PIK3C2B: variants seen among roughly 807,000 people sequenced by gnomAD.
The protein encoded by PIK3C2B is phosphatidylinositol-4-phosphate 3-kinase catalytic subunit type 2 beta, also known as phosphatidylinositol 4-phosphate 3-kinase C2 domain-containing subunit beta.
PIK3C2B carries 83 observed loss-of-function variants against 184.3 expected under a neutral mutation model. The ratio of observed to expected loss-of-function variants is 0.45; its 90% CI spans 0.38 to 0.54. The LOEUF (loss-of-function observed/expected upper bound fraction) is 0.54, where lower values mean the gene tolerates loss of function less well. Ranked by LOEUF, PIK3C2B falls within the 20% of genes least tolerant of loss-of-function variation. The probability of loss-of-function intolerance (pLI) is 0.00; values close to 1 mark genes in which losing one functional copy is unlikely to be tolerated. For missense variants in PIK3C2B, 1,736 were observed against 2,113.5 expected, an observed-to-expected ratio of 0.82 and a Z score of 3.50; for synonymous variants, 779 against 837.6, an observed-to-expected ratio of 0.93 and a Z score of 1.21.
Position 204,465,326 on chromosome 1 carries a change from G to A in PIK3C2B, c.934-7C>T, listed in dbSNP as rs761016789. 2 of 1,587,930 alleles carry A rather than the reference G, an allele frequency of 1.3e-6. No individual in the cohort carries two copies. The highest frequency in any genetic ancestry group is 2.7e-5 in the African/African-American group (2 of 74,436). On this transcript the variant is annotated splice_polypyrimidine_tract_variant and splice_region_variant and intron_variant, in intron 2 of 32. Coordinates refer to ENST00000684373, the MANE Select transcript of PIK3C2B (RefSeq NM_001377334.1). ...TGTGGGGCCGGGAGCCCACCTTTAA[G>A]AGAAGAGCAGACGACTCAGTGCCTT... is the stretch of plus-strand genomic sequence containing the variant.
rs1396308440 is a variant in PIK3C2B, at chr1:204,423,920, A to G, written c.*932T>C. ...CTGAGTCAGTATTTTGTCCCACCAG[A>G]GACAAATGAAGGGAGAGACCTATGG... On this transcript the variant is annotated 3_prime_UTR_variant, in exon 33 of 33. Coordinates refer to ENST00000684373, the MANE Select transcript of PIK3C2B (RefSeq NM_001377334.1). 1 of 152,568 alleles carries G rather than the reference A, an allele frequency of 6.6e-6. No individual in the cohort carries two copies. The highest frequency in any genetic ancestry group is 1.5e-5 in the Non-Finnish European group (1 of 68,044). The allele number at this position is 152,568 out of a possible 1,614,324, so 9.5% of individuals were successfully genotyped here.
intron 22 of PIK3C2B, 30 bp from the exon 23 acceptor site, chr1:204,439,101 C>T (rs1227696795): frequency 1.2e-6 from 2 of 1,609,358 alleles, no homozygotes; most frequent in Admixed American, 1.7e-5. Flanking sequence ...GGTCACGTTC[C>T]AGACCAGAAT....
At chr1:204,464,750 G>A in intron 3 of PIK3C2B, 146 bp from the exon 4 acceptor site, 1 of 677,094 alleles carries the variant, frequency 1.5e-6, no homozygotes, top group South Asian at 2.0e-5. Flanking sequence ...CAGGATGGGG[G>A]CAGTGGGGTA....
At chr1:204,468,817 T>C (rs868457948) in intron 2 of PIK3C2B, 53 bp downstream of exon 2, 1 of 1,464,050 alleles carries the variant, frequency 6.8e-7, no homozygotes. Context: ...CTAGTCCCTG[T>C]TTCTGAAGGA....
At position 204,424,366 on chromosome 1, in the gene PIK3C2B, A is replaced by G. The variant is rs1429928497; in HGVS notation, c.*486T>C. ...AAAAAAAAACCTAGGGAAAAGTCCA[A>G]TAAGAACCTTAATCATACAAAAAGT... On this transcript the variant is annotated 3_prime_UTR_variant, in exon 33 of 33. Transcript: ENST00000684373. 3 of 204,384 alleles carry G rather than the reference A, an allele frequency of 1.5e-5. No individual in the cohort carries two copies. The highest frequency in any genetic ancestry group is 1.3e-4 in the East Asian group (1 of 7,650). 12.7% of individuals were successfully genotyped at this position (204,384 alleles called of 1,614,324 possible). A position where few individuals can be genotyped will look rare whatever the true frequency, so the allele number is the denominator to read the frequency against.
At position 204,432,360 on chromosome 1, in the gene PIK3C2B, T is replaced by C. The variant is rs1675108967; in HGVS notation, c.3995A>G (p.Asn1332Ser). ...CTGAGCCAGATTATGGATGAAAAAATTGAGCTTTGTGGCTACACTGCCCAG... is the reference window on the plus strand; with the variant it reads ...CTGAGCCAGATTATGGATGAAAAAACTGAGCTTTGTGGCTACACTGCCCAG... ...SSLGSVATKL[N>S]FFIHNLAQMK... Residue 1332 changes from asparagine (N) to serine (S), a missense_variant, in exon 27 of 33, where the codon AAT (asparagine) becomes AGT (serine). Coordinates refer to ENST00000684373, the MANE Select transcript of PIK3C2B (RefSeq NM_001377334.1). The C allele has an allele frequency of 6.2e-7, 1 of 1,613,956 alleles. No individual in the cohort carries two copies. Among genetic ancestry groups the C allele is most frequent in the Non-Finnish European group, 8.5e-7 (1 of 1,179,998 alleles).
chr1:204,463,207 G>A (rs1372861322), intron 5 of PIK3C2B, among the ~76,000 whole-genome samples: 2 of 152,232 alleles, frequency 1.3e-5, no homozygotes. Flanking sequence ...CTCCTAAGAA[G>A]TGAGACACAG....
intron 12 of PIK3C2B, 57 bp from the exon 13 acceptor site, chr1:204,450,074 G>C: frequency 1.4e-6 from 2 of 1,439,652 alleles, no homozygotes; most frequent in Non-Finnish European, 1.9e-6. Flanking sequence ...TCAAGCAACA[G>C]GTGGCCCAGG....
At chr1:204,482,876 G>A (rs546610951) in intron 1 of PIK3C2B, among the ~76,000 whole-genome samples, 5 of 152,176 alleles carry the variant, frequency 3.3e-5, no homozygotes, top group Admixed American at 6.5e-5. Context: ...GAAGGCAGTG[G>A]TCCTGATGGT....
At chr1:204,463,086 A>G (rs866033455) in intron 5 of PIK3C2B, among the ~76,000 whole-genome samples, 2 of 152,126 alleles carry the variant, frequency 1.3e-5, no homozygotes, top group Admixed American at 6.5e-5. Context: ...TCCAGAAATG[A>G]ATCTTCCATC....
At chr1:204,439,746 T>C (rs1432952956) in intron 22 of PIK3C2B, among the ~76,000 whole-genome samples, 1 of 152,188 alleles carries the variant, frequency 6.6e-6, no homozygotes, top group African/African-American at 2.4e-5. Flanking sequence ...GCGATCCATC[T>C]GCCTCAGCCT....
Position 204,447,649 on chromosome 1 carries a change from C to T in PIK3C2B, c.2347-71G>A. The T allele has an allele frequency of 8.9e-7, 1 of 1,120,326 alleles. No homozygotes were observed. Among genetic ancestry groups the T allele is most frequent in the African/African-American group, 1.5e-5 (1 of 65,774 alleles). The allele number at this position is 1,120,326 out of a possible 1,614,324, so 69.4% of individuals were successfully genotyped here. ...GTGTGGACTCCCAGCTTCTTTCTCT[C>T]ACCCCAGCATTCCGGCCTTGTCCCT... On this transcript the variant is annotated intron_variant, in intron 14 of 32. Coordinates refer to ENST00000684373, the MANE Select transcript of PIK3C2B (RefSeq NM_001377334.1). The surrounding 1 kb of genome is among the most constrained non-coding windows in gnomAD (Gnocchi z 4.1).
intron 12 of PIK3C2B, 127 bp downstream of exon 12, chr1:204,454,542 C>G: frequency 2.3e-6 from 2 of 888,790 alleles, no homozygotes; most frequent in Non-Finnish European, 3.4e-6. Flanking sequence ...ATGACTTGTC[C>G]AGTTAGGGTT....
intron 1 of PIK3C2B, among the ~76,000 whole-genome samples, chr1:204,481,448 G>A (rs542026842): frequency 6.6e-6 from 1 of 151,940 alleles, no homozygotes; most frequent in African/African-American, 2.4e-5. Flanking sequence ...TAGTAGACAC[G>A]GGGTTTCATC....
intron 5 of PIK3C2B, among the ~76,000 whole-genome samples, chr1:204,462,331 T>TA (rs1167653373): frequency 6.6e-6 from 1 of 150,758 alleles, no homozygotes; most frequent in African/African-American, 2.4e-5. Flanking sequence ...CCCTAGGACT[T>TA]CTCTCCGTGG....
At chr1:204,448,458 G>A (rs1654061533) in intron 14 of PIK3C2B, among the ~76,000 whole-genome samples, 1 of 152,004 alleles carries the variant, frequency 6.6e-6, no homozygotes, top group Non-Finnish European at 1.5e-5. Flanking sequence ...CTAGAGTCTG[G>A]GCATAAAGCA....
At chr1:204,431,926 G>C (rs368214054) in intron 27 of PIK3C2B, 133 bp from the exon 28 acceptor site, 2 of 998,818 alleles carry the variant, frequency 2.0e-6, no homozygotes, top group African/African-American at 1.6e-5. Context: ...CAAGAGTGGA[G>C]ACAGATGATA....
intron 14 of PIK3C2B, among the ~76,000 whole-genome samples, chr1:204,448,459 G>A (rs112696856): frequency 1.3e-5 from 2 of 152,050 alleles, no homozygotes; most frequent in South Asian, 2.1e-4. Flanking sequence ...TAGAGTCTGG[G>A]CATAAAGCAG....
intron 1 of PIK3C2B, among the ~76,000 whole-genome samples, chr1:204,491,768 A>G (rs1320485184): frequency 6.6e-6 from 1 of 152,340 alleles, no homozygotes; most frequent in African/African-American, 2.4e-5. Flanking sequence ...CAGGGTAAGG[A>G]GTGAGACTGC....
Sources: gnomAD v4.1 joint callset for allele counts (sites outside exome capture counted in the v4.1 genomes callset) on GRCh38, gnomAD v4.1.1 for gene constraint, Gnocchi (gnomAD v3.1) non-coding constraint, MANE v1.5 for transcripts, NCBI Gene and HGNC (gene_info 2026-07-23, HGNC 2026-07-21) for gene names.